The following MAST2 variants were observed in gnomAD, a reference collection of about 807,000 sequenced individuals.
The protein encoded by MAST2 is microtubule associated serine/threonine kinase 2.
MAST2 carries 70 observed loss-of-function variants against 147.4 expected under a neutral mutation model. The ratio of observed to expected loss-of-function variants is 0.47; its 90% CI spans 0.39 to 0.58. The LOEUF is 0.58. Ranked by LOEUF, MAST2 falls within the 20% of genes least tolerant of loss-of-function variation. The pLI, the probability that MAST2 is intolerant of heterozygous loss-of-function variation, is 0.00. For synonymous variants in MAST2, 869 were observed against 896.8 expected (o/e 0.97, Z 0.55); for missense variants, 2,080 against 2,302.3 (o/e 0.90, Z 1.98).
At chr1:45,950,035 G>C (rs1040566219) in intron 4 of MAST2, among the ~76,000 whole-genome samples, 4 of 152,126 alleles carry the variant, frequency 2.6e-5, no homozygotes, top group Non-Finnish European at 5.9e-5. Context: ...TGAACACAAA[G>C]AAGGGAAAAC....
Position 46,033,948 on chromosome 1 carries a change from G to A in MAST2, c.3674+10G>A, listed in dbSNP as rs1646785678. On this transcript the variant is annotated intron_variant, in intron 27 of 28. Transcript: ENST00000361297. Reference sequence around the variant, plus strand: ...AGGATGGGCAAGAAAGGTGAGCCAGGCGCAGTGAAGAGGGTTTTCTCTGAG... The same window carrying A: ...AGGATGGGCAAGAAAGGTGAGCCAGACGCAGTGAAGAGGGTTTTCTCTGAG... 6.2e-7 allele frequency: 1 copy of A among 1,613,822 alleles called. No individual in the cohort carries two copies. The highest frequency in any genetic ancestry group is 1.3e-5 in the African/African-American group (1 of 74,928).
intron 5 of MAST2, among the ~76,000 whole-genome samples, chr1:45,996,787 GT>G (rs1018542616): frequency 6.6e-6 from 1 of 152,076 alleles, no homozygotes; most frequent in Admixed American, 6.6e-5. Flanking sequence ...AAACAAAGGG[GT>G]AGGTTTTTGG....
At chr1:45,888,710 C>G (rs1417058917) in intron 4 of MAST2, among the ~76,000 whole-genome samples, 1 of 78,796 alleles carries the variant, frequency 1.3e-5, no homozygotes, top group Non-Finnish European at 2.5e-5. Context: ...GAGATGGAGT[C>G]TTGCTCTCTC....
chr1:45,973,298 T>A (rs1415178786), intron 5 of MAST2, among the ~76,000 whole-genome samples: 2 of 152,180 alleles, frequency 1.3e-5, no homozygotes, highest in Non-Finnish European at 2.9e-5. Context: ...CAATCACTTA[T>A]GCCCTAGATC....
At chr1:45,897,622 A>C (rs1648956974) in intron 4 of MAST2, among the ~76,000 whole-genome samples, 1 of 152,258 alleles carries the variant, frequency 6.6e-6, no homozygotes, top group African/African-American at 2.4e-5. Flanking sequence ...CAGCCTGGGC[A>C]ACATGGCAAA....
At chr1:45,849,742 G>T (rs1268374448) in intron 3 of MAST2, among the ~76,000 whole-genome samples, 1 of 152,124 alleles carries the variant, frequency 6.6e-6, no homozygotes, top group Non-Finnish European at 1.5e-5. Context: ...TAGCCAGGAT[G>T]GTCTGGATCT....
intron 3 of MAST2, among the ~76,000 whole-genome samples, chr1:45,849,530 C>CT (rs71062718): frequency 4.3e-5 from 6 of 138,632 alleles, no homozygotes; most frequent in Admixed American, 1.4e-4. Flanking sequence ...CCCCTCTTTT[C>CT]TTTTTTTTTT....
At chr1:45,938,496 A>AT (rs1656632158) in intron 4 of MAST2, among the ~76,000 whole-genome samples, 2 of 151,726 alleles carry the variant, frequency 1.3e-5, no homozygotes, top group East Asian at 3.9e-4. Flanking sequence ...GCTAATTATT[A>AT]TTTTTTTATT....
intron 11 of MAST2, among the ~76,000 whole-genome samples, chr1:46,020,067 T>C (rs1195191849): frequency 6.6e-6 from 1 of 152,136 alleles, no homozygotes; most frequent in Non-Finnish European, 1.5e-5. Context: ...ACACTGGAGA[T>C]ACAGACATGA....
chr1:45,917,359 G>T (rs1195923505), intron 4 of MAST2: 1 of 1,366,148 alleles, frequency 7.3e-7, no homozygotes, highest in Non-Finnish European at 9.8e-7. Flanking sequence ...CTTTGCCGAG[G>T]AGCTGAAGTA....
chr1:45,902,280 C>T (rs1570630179), intron 4 of MAST2, among the ~76,000 whole-genome samples: 3 of 152,118 alleles, frequency 2.0e-5, no homozygotes, highest in Admixed American at 1.3e-4. Flanking sequence ...TGTGGTGAAT[C>T]ACATTTATTG....
chr1:45,939,342 A>ACT (rs1656785954), intron 4 of MAST2, among the ~76,000 whole-genome samples: 1 of 151,440 alleles, frequency 6.6e-6, no homozygotes, highest in African/African-American at 2.4e-5. Context: ...TTATTTCTGG[A>ACT]CTCTCTCTTG....
intron 3 of MAST2, among the ~76,000 whole-genome samples, chr1:45,870,154 C>T (rs1646324164): frequency 6.6e-6 from 1 of 152,140 alleles, no homozygotes; most frequent in South Asian, 2.1e-4. Flanking sequence ...GAATTCCTGA[C>T]CTGAGGTGAT....
At chr1:45,827,824 T>C (rs1037293686) in intron 2 of MAST2, among the ~76,000 whole-genome samples, 1 of 152,092 alleles carries the variant, frequency 6.6e-6, no homozygotes, top group Non-Finnish European at 1.5e-5. Context: ...AGTGAAGTCT[T>C]TCCTTTTTTT....
intron 4 of MAST2, among the ~76,000 whole-genome samples, chr1:45,927,972 C>T (rs560988442): frequency 2.3e-4 from 35 of 152,274 alleles, no homozygotes; most frequent in African/African-American, 8.2e-4. Flanking sequence ...GTTTGGGGTC[C>T]CTGACTTCCT....
chr1:45,968,186 C>T (rs1643692683), intron 5 of MAST2, among the ~76,000 whole-genome samples: 1 of 152,210 alleles, frequency 6.6e-6, no homozygotes. Flanking sequence ...ATAAGGGATA[C>T]TTATCCTATA....
At chr1:45,881,514 G>C (rs958713783) in intron 3 of MAST2, among the ~76,000 whole-genome samples, 1 of 152,190 alleles carries the variant, frequency 6.6e-6, no homozygotes, top group African/African-American at 2.4e-5. Flanking sequence ...CTGGTGGGAG[G>C]TGGGACTTGA....
chr1:45,925,103 T>C (rs1654155496), intron 4 of MAST2, among the ~76,000 whole-genome samples: 1 of 152,158 alleles, frequency 6.6e-6, no homozygotes, highest in Non-Finnish European at 1.5e-5. Context: ...TGCATCATAG[T>C]GTAGTGAGGA....
intron 5 of MAST2, among the ~76,000 whole-genome samples, chr1:45,961,793 T>A (rs901704769): frequency 1.3e-5 from 2 of 152,138 alleles, no homozygotes; most frequent in African/African-American, 4.8e-5. Flanking sequence ...TTATTATACT[T>A]TAAGTTCTAG....
Sources: gnomAD v4.1 joint callset for allele counts (sites outside exome capture counted in the v4.1 genomes callset) on GRCh38, gnomAD v4.1.1 for gene constraint, MANE v1.5 for transcripts, NCBI Gene and HGNC (gene_info 2026-07-23, HGNC 2026-07-21) for gene names.